The following COX16 variants were observed in gnomAD, a reference collection of about 807,000 sequenced individuals.
The protein encoded by COX16 is cytochrome c oxidase assembly factor COX16.
A neutral mutation model predicts 15.4 loss-of-function variants in COX16; 12 were observed. The observed-to-expected ratio is 0.78, with a 90% CI of 0.50 to 1.26. The LOEUF (loss-of-function observed/expected upper bound fraction) is 1.26. COX16 is among the 50% of genes most tolerant of loss of function. The probability of loss-of-function intolerance (pLI) is 0.00; values close to 1 mark genes in which losing one functional copy is unlikely to be tolerated. For missense variants in COX16, 124 were observed against 127.6 expected (o/e 0.97, Z 0.14); for synonymous variants, 46 against 41.1 (o/e 1.12, Z -0.46).
intron 2 of COX16, among the ~76,000 whole-genome samples, chr14:70,330,322 CAA>C (rs1566596708): frequency 6.6e-6 from 1 of 152,012 alleles, no homozygotes; most frequent in African/African-American, 2.4e-5. Flanking sequence ...CCAAAACTGA[CAA>C]AGGCACAATA....
At chr14:70,333,466 C>G (rs1886353560) in intron 2 of COX16, among the ~76,000 whole-genome samples, 1 of 152,076 alleles carries the variant, frequency 6.6e-6, no homozygotes, top group African/African-American at 2.4e-5. Context: ...AAAGCATCAA[C>G]AGAAGAATTC....
At chr14:70,354,841 CGTGTGTGT>C (rs55646280) in intron 1 of COX16, among the ~76,000 whole-genome samples, 2 of 148,880 alleles carry the variant, frequency 1.3e-5, no homozygotes, top group Non-Finnish European at 3.0e-5. Context: ...TGTGTGTGTG[CGTGTGTGT>C]GTGTGTGTGT....
chr14:70,350,475 A>G (rs1051567484), intron 1 of COX16, among the ~76,000 whole-genome samples: 7 of 152,118 alleles, frequency 4.6e-5, no homozygotes, highest in African/African-American at 1.7e-4. Context: ...AACCAATACA[A>G]GAACCTTACA....
chr14:70,334,641 T>C (rs886082151), intron 2 of COX16, among the ~76,000 whole-genome samples: 2 of 152,236 alleles, frequency 1.3e-5, no homozygotes, highest in Non-Finnish European at 2.9e-5. Context: ...CCATTTCAAA[T>C]AAGTTGTTAT....
At chr14:70,353,394 T>TTA (rs1278655348) in intron 1 of COX16, among the ~76,000 whole-genome samples, 20 of 148,624 alleles carry the variant, frequency 1.3e-4, no homozygotes, top group South Asian at 2.1e-4. Context: ...ATATATAATT[T>TTA]TATATATATA....
chr14:70,357,647 C>T (rs1013746030), intron 1 of COX16, among the ~76,000 whole-genome samples: 1 of 152,192 alleles, frequency 6.6e-6, no homozygotes, highest in Non-Finnish European at 1.5e-5. Context: ...TGAAAAGATG[C>T]TCAACATAAT....
At position 70,359,545 on chromosome 14, in the gene COX16, T is replaced by C. The variant is rs758273196; in HGVS notation, c.43A>G (p.Thr15Ala). 3.1e-6 allele frequency: 5 copies of C among 1,613,954 alleles called. No individual in the cohort carries two copies. Among genetic ancestry groups the C allele is most frequent in the Non-Finnish European group, 4.2e-6 (5 of 1,179,950 alleles). The stretch of plus-strand genomic sequence containing the variant: ...AACATGGGGACTCCATAGCCGAGAG[T>C]CTTGTTCTTGCGAAAAGCACGCATC... ...AVMRAFRKNKTLGYGVPMLLL... is the reference protein window; with the variant it reads ...AVMRAFRKNKALGYGVPMLLL... The change falls in exon 1 of 4, where the codon ACT becomes GCT. Residue 15 changes from threonine to alanine, a missense_variant. Physicochemically the swap from Thr to Ala is moderately conservative, Grantham distance 58 (BLOSUM62 0). Coordinates refer to ENST00000389912, the MANE Select transcript of COX16 (RefSeq NM_016468.7).
At chr14:70,343,994 A>T (rs1436833772) in intron 1 of COX16, among the ~76,000 whole-genome samples, 4 of 152,038 alleles carry the variant, frequency 2.6e-5, no homozygotes. Flanking sequence ...GAGTGTGCTG[A>T]TTGGTCAGTT....
intron 1 of COX16, among the ~76,000 whole-genome samples, chr14:70,346,463 C>T (rs35859016): frequency 0.47 from 71,364 of 151,968 alleles, 17,441 homozygotes; most frequent in South Asian, 0.55. Flanking sequence ...GCCCACCAGG[C>T]CATGCCCCCT....
chr14:70,329,360 C>A, intron 2 of COX16, 124 bp from the exon 3 acceptor site: 2 of 689,738 alleles, frequency 2.9e-6, no homozygotes, highest in Non-Finnish European at 4.6e-6. Flanking sequence ...GGCAAAATCT[C>A]CACCATCTAC....
chr14:70,338,833 C>T (rs1025890970), intron 2 of COX16, among the ~76,000 whole-genome samples: 42 of 152,126 alleles, frequency 2.8e-4, no homozygotes, highest in African/African-American at 8.9e-4. Context: ...ATTCAGTCTT[C>T]ATATCTGTTT....
At chr14:70,329,947 A>G (rs966298292) in intron 2 of COX16, among the ~76,000 whole-genome samples, 11 of 152,096 alleles carry the variant, frequency 7.2e-5, no homozygotes, top group Non-Finnish European at 1.6e-4. Context: ...ATGAATGAAA[A>G]AAAGTATTTT....
intron 1 of COX16, among the ~76,000 whole-genome samples, chr14:70,345,525 G>C (rs1219028431): frequency 6.6e-6 from 1 of 152,100 alleles, no homozygotes; most frequent in African/African-American, 2.4e-5. Context: ...GCAAACCTTA[G>C]GCCTCAGGCA....
intron 2 of COX16, among the ~76,000 whole-genome samples, chr14:70,330,975 A>G (rs919695384): frequency 2.0e-5 from 3 of 152,024 alleles, no homozygotes; most frequent in Admixed American, 2.0e-4. Flanking sequence ...TGTTTCTTAA[A>G]AATCATAAAG....
intron 1 of COX16, among the ~76,000 whole-genome samples, chr14:70,354,166 A>G (rs916556713): frequency 2.0e-5 from 3 of 152,154 alleles, no homozygotes; most frequent in Non-Finnish European, 4.4e-5. Context: ...AACAATAATA[A>G]TAATAAATAA....
intron 1 of COX16, among the ~76,000 whole-genome samples, chr14:70,348,825 C>T (rs1011314589): frequency 6.6e-6 from 1 of 152,206 alleles, no homozygotes; most frequent in Non-Finnish European, 1.5e-5. Context: ...GCCAGACTCC[C>T]GCAGAAAGCT....
At chr14:70,348,131 G>A (rs1271222043) in intron 1 of COX16, among the ~76,000 whole-genome samples, 4 of 152,136 alleles carry the variant, frequency 2.6e-5, no homozygotes, top group African/African-American at 9.7e-5. Context: ...CAAACAGCTT[G>A]AAGCCACAGT....
chr14:70,327,014 A>C (rs955119907), intron 3 of COX16, among the ~76,000 whole-genome samples: 8 of 152,206 alleles, frequency 5.3e-5, no homozygotes, highest in African/African-American at 1.9e-4. Context: ...ATTTAGTCTG[A>C]AGTACCTCTC....
chr14:70,355,122 A>T (rs1887088237), intron 1 of COX16, among the ~76,000 whole-genome samples: 1 of 152,164 alleles, frequency 6.6e-6, no homozygotes, highest in Admixed American at 6.5e-5. Context: ...TTGTTCCTAT[A>T]TGCAGAAAAA....
Sources: allele counts gnomAD v4.1 joint callset (sites outside exome capture counted in the v4.1 genomes callset), GRCh38; gene constraint gnomAD v4.1.1; transcripts MANE v1.5; gene names NCBI Gene and HGNC (gene_info 2026-07-23, HGNC 2026-07-21).